The following PAFAH1B1 variants were observed in gnomAD, a reference collection of about 807,000 sequenced individuals.
The protein encoded by PAFAH1B1 is platelet activating factor acetylhydrolase 1b regulatory subunit 1.
Under a neutral mutation model 57.5 loss-of-function variants are expected in PAFAH1B1, and 2 were observed. The ratio of observed to expected loss-of-function variants is 0.03; its 90% CI spans 0.01 to 0.11. PAFAH1B1 has a LOEUF of 0.11. Among genes scored for constraint, PAFAH1B1 ranks in the 10% least tolerant of loss-of-function variants. PAFAH1B1 has a pLI of 1.00. For missense variants in PAFAH1B1, 257 were observed against 512.0 expected, an observed-to-expected ratio of 0.50 and a Z score of 4.81; for synonymous variants, 152 against 169.6, an observed-to-expected ratio of 0.90 and a Z score of 0.81.
chr17:2,668,892 C>A (rs1036123380), intron 5 of PAFAH1B1, among the ~76,000 whole-genome samples: 1 of 151,830 alleles, frequency 6.6e-6, no homozygotes, highest in African/African-American at 2.4e-5. Flanking sequence ...AGGAGAATGG[C>A]GTGAACCCGG....
At chr17:2,640,316 C>T (rs895989235) in intron 2 of PAFAH1B1, 1 of 149,706 alleles carries the variant, frequency 6.7e-6, no homozygotes, top group Non-Finnish European at 1.5e-5. Context: ...TCAGGTATTT[C>T]ATTTAGCCCT....
chr17:2,642,381 A>G (rs1335584962), intron 2 of PAFAH1B1: 5 of 152,200 alleles, frequency 3.3e-5, no homozygotes, highest in Non-Finnish European at 5.9e-5. Flanking sequence ...AAAATTTTGT[A>G]TAGAATTACC....
intron 2 of PAFAH1B1, among the ~76,000 whole-genome samples, chr17:2,648,164 G>A (rs1240001318): frequency 6.6e-6 from 1 of 152,018 alleles, no homozygotes; most frequent in Non-Finnish European, 1.5e-5. Context: ...CGAGTGAAGG[G>A]GGAAGCCCCT....
chr17:2,679,905 A>T, intron 9 of PAFAH1B1: 1 of 474,638 alleles, frequency 2.1e-6, no homozygotes, highest in Non-Finnish European at 3.8e-6. Flanking sequence ...CTACATATTG[A>T]GATTTGTTCT....
intron 2 of PAFAH1B1, among the ~76,000 whole-genome samples, chr17:2,650,226 TGGCAGCCAG>T (rs2068829986): frequency 6.6e-6 from 1 of 152,048 alleles, no homozygotes; most frequent in East Asian, 1.9e-4. Context: ...AAAAATAGTC[TGGCAGCCAG>T]GTGCAGTGGC....
chr17:2,635,626 A>G (rs1281854862), intron 1 of PAFAH1B1: 1 of 152,184 alleles, frequency 6.6e-6, no homozygotes, highest in Non-Finnish European at 1.5e-5. Context: ...TCAGCCTCCC[A>G]AAGTGTTGGG....
intron 1 of PAFAH1B1, chr17:2,613,711 G>C (rs1323112256): frequency 3.5e-6 from 1 of 282,398 alleles, no homozygotes. Context: ...TCCACTTGCT[G>C]ACGTCCTCAA....
intron 2 of PAFAH1B1, among the ~76,000 whole-genome samples, chr17:2,659,999 C>A (rs1408744888): frequency 1.3e-5 from 2 of 152,044 alleles, no homozygotes; most frequent in Non-Finnish European, 2.9e-5. Flanking sequence ...ACAGTATAGC[C>A]CGGGGTGGTG....
At chr17:2,649,780 A>G (rs561589579) in intron 2 of PAFAH1B1, among the ~76,000 whole-genome samples, 1 of 152,336 alleles carries the variant, frequency 6.6e-6, no homozygotes, top group African/African-American at 2.4e-5. Flanking sequence ...AGAAAAATAA[A>G]TAAAATATTT....
At chr17:2,642,695 C>T (rs2068712211) in intron 2 of PAFAH1B1, among the ~76,000 whole-genome samples, 1 of 152,160 alleles carries the variant, frequency 6.6e-6, no homozygotes, top group South Asian at 2.1e-4. Flanking sequence ...ATTGAGAATT[C>T]GCATGCAGCT....
At chr17:2,676,200 A>G (rs1296399591) in intron 8 of PAFAH1B1, 2 of 342,910 alleles carry the variant, frequency 5.8e-6, no homozygotes, top group Non-Finnish European at 1.1e-5. Context: ...CAACATGGCA[A>G]AACCCCATCT....
At chr17:2,622,918 T>C (rs1468856081) in intron 1 of PAFAH1B1, among the ~76,000 whole-genome samples, 1 of 152,240 alleles carries the variant, frequency 6.6e-6, no homozygotes, top group African/African-American at 2.4e-5. Flanking sequence ...ACCCACTTGC[T>C]CAACACCACG....
chr17:2,664,539 G>A (rs2069070000), intron 2 of PAFAH1B1, among the ~76,000 whole-genome samples: 1 of 151,930 alleles, frequency 6.6e-6, no homozygotes, highest in South Asian at 2.1e-4. Flanking sequence ...CCGAGTAGCT[G>A]GGATTACAGG....
chr17:2,676,890 C>T (rs545984535), intron 9 of PAFAH1B1, among the ~76,000 whole-genome samples: 5 of 152,066 alleles, frequency 3.3e-5, no homozygotes, highest in Admixed American at 6.5e-5. Context: ...CGGCCGGGCG[C>T]GGTGGCTTAC....
At chr17:2,648,335 C>G (rs770339290) in intron 2 of PAFAH1B1, among the ~76,000 whole-genome samples, 1 of 152,010 alleles carries the variant, frequency 6.6e-6, no homozygotes, top group Non-Finnish European at 1.5e-5. Flanking sequence ...CAGCCAAACC[C>G]TATCACCAAG....
intron 2 of PAFAH1B1, among the ~76,000 whole-genome samples, chr17:2,644,585 C>G (rs1454233792): frequency 6.6e-6 from 1 of 152,170 alleles, no homozygotes; most frequent in Admixed American, 6.5e-5. Context: ...TATGTAGTAC[C>G]TAGTTCTCTA....
chr17:2,617,397 G>T (rs1023418505), intron 1 of PAFAH1B1, among the ~76,000 whole-genome samples: 2 of 152,168 alleles, frequency 1.3e-5, no homozygotes, highest in Admixed American at 1.3e-4. Flanking sequence ...AAGTATAGTG[G>T]TTAGCTGTAA....
rs536334360 is a variant in PAFAH1B1 at position 2,662,692 on chromosome 17, A to G, written c.33-2680A>G. On this transcript the variant is annotated intron_variant, in intron 2 of 10. Transcript: ENST00000397195. ...AGTGCTGGAATTACATGCGTAGGCC[A>G]CTGCGCCCAGCCTTCTCTGATTCTT... Among the ~76,000 whole-genome samples, 6 of 152,190 alleles carry G rather than the reference A, an allele frequency of 3.9e-5. No homozygotes were observed. In the South Asian group the frequency reaches 1.2e-3, roughly 32 times the overall value.
intron 2 of PAFAH1B1, among the ~76,000 whole-genome samples, chr17:2,650,639 CAAAAA>C (rs10582467): frequency 7.4e-5 from 8 of 108,832 alleles, no homozygotes; most frequent in South Asian, 3.2e-4. Context: ...GACTCTGTCT[CAAAAA>C]AAAAAAAAAA....
Sources: gnomAD v4.1 joint callset for allele counts (sites outside exome capture counted in the v4.1 genomes callset) on GRCh38, gnomAD v4.1.1 for gene constraint, MANE v1.5 for transcripts, NCBI Gene and HGNC (gene_info 2026-07-23, HGNC 2026-07-21) for gene names.